The following ARHGAP35 variants were observed in gnomAD, a reference collection of about 807,000 sequenced individuals.
The protein encoded by ARHGAP35 is rho GTPase-activating protein 35.
Under a neutral mutation model 111.1 loss-of-function variants are expected in ARHGAP35, and 15 were observed. The ratio of observed to expected loss-of-function variants is 0.13; its 90% CI spans 0.09 to 0.21. The LOEUF (loss-of-function observed/expected upper bound fraction) is 0.21. ARHGAP35 is among the 10% of genes least tolerant of loss of function. ARHGAP35 has a pLI of 1.00. For synonymous variants in ARHGAP35, 643 were observed against 710.3 expected, an observed-to-expected ratio of 0.91 and a Z score of 1.51; for missense variants, 1,262 against 1,873.0, an observed-to-expected ratio of 0.67 and a Z score of 6.02.
chr19:46,999,537 G>A lies in ARHGAP35; in HGVS notation c.4142+128G>A. 9.2e-6 allele frequency: 6 copies of A among 655,286 alleles called. No homozygotes were observed. Among genetic ancestry groups the A allele is most frequent in the Non-Finnish European group, 1.6e-5 (6 of 384,382 alleles). 40.6% of individuals were successfully genotyped at this position (655,286 alleles called of 1,614,324 possible). A position where few individuals can be genotyped will look rare whatever the true frequency, so the allele number is the denominator to read the frequency against. On this transcript the variant is annotated intron_variant, in intron 6 of 6. Coordinates refer to ENST00000672722, the MANE Select transcript of ARHGAP35 (RefSeq NM_004491.5). This position sits in a 1 kb window ranked among gnomAD's most constrained non-coding sequence, Gnocchi z 5.4. ...AGGCCCTGGCCTGGAAGGGGTGCTG[G>A]CTGGCCTCCCATGGTGCCCGCTGGT...
chr19:46,915,122 GTAAT>G (rs1299804773), intron 1 of ARHGAP35, among the ~76,000 whole-genome samples: 1 of 152,232 alleles, frequency 6.6e-6, no homozygotes, highest in Non-Finnish European at 1.5e-5. Flanking sequence ...ATATTACAGA[GTAAT>G]TGATTGTGTA....
In ARHGAP35 at chr19:47,005,071, A is replaced by C. The variant is rs1253068011; in HGVS notation, c.*4383A>C. On this transcript the variant is annotated 3_prime_UTR_variant, in exon 7 of 7. Transcript: ENST00000672722. The stretch of plus-strand genomic sequence containing the variant: ...TAGTTAATAAATGAATCTTGTAAAA[A>C]ACCAAACCTGAGAGAAGTGAAGGGG... The C allele has an allele frequency of 6.6e-6, 1 of 152,264 alleles. No homozygotes were observed. The highest frequency in any genetic ancestry group is 1.5e-5 in the Non-Finnish European group (1 of 68,074). The allele number at this position is 152,264 out of a possible 1,614,324, so 9.4% of individuals were successfully genotyped here.
chr19:46,959,240 A>AT (rs2056462092), intron 3 of ARHGAP35, among the ~76,000 whole-genome samples: 1 of 151,716 alleles, frequency 6.6e-6, no homozygotes. Context: ...ACTTTTTTGT[A>AT]TTTTTTGTAG....
intron 2 of ARHGAP35, among the ~76,000 whole-genome samples, chr19:46,929,591 C>CTTTTTTTTT (rs55818906): frequency 2.1e-5 from 2 of 93,054 alleles, no homozygotes; most frequent in African/African-American, 8.5e-5. Flanking sequence ...ACCTGTTACT[C>CTTTTTTTTT]TTTTTTTTTT....
chr19:46,932,432 T>C (rs1041323662), intron 2 of ARHGAP35, among the ~76,000 whole-genome samples: 1 of 152,200 alleles, frequency 6.6e-6, no homozygotes, highest in Non-Finnish European at 1.5e-5. Flanking sequence ...TACTTTCTCC[T>C]TTTCAAGGAC....
chr19:46,904,729 G>C (rs1160653835), intron 1 of ARHGAP35, among the ~76,000 whole-genome samples: 1 of 152,190 alleles, frequency 6.6e-6, no homozygotes, highest in Non-Finnish European at 1.5e-5. Context: ...CAGGACAGAG[G>C]TGGCGGGGGA....
At chr19:46,951,012 C>T (rs1041332189) in intron 3 of ARHGAP35, among the ~76,000 whole-genome samples, 6 of 152,188 alleles carry the variant, frequency 3.9e-5, no homozygotes, top group Admixed American at 3.3e-4. Context: ...CTTTACAGGG[C>T]GAATGTGGAG....
At chr19:46,893,146 A>G (rs532911342) in intron 1 of ARHGAP35, among the ~76,000 whole-genome samples, 1 of 152,320 alleles carries the variant, frequency 6.6e-6, no homozygotes, top group East Asian at 1.9e-4. Context: ...TTCAGATACC[A>G]GTGAATTCTG....
At chr19:46,864,369 T>G (rs1039959362) in intron 1 of ARHGAP35, among the ~76,000 whole-genome samples, 1 of 152,248 alleles carries the variant, frequency 6.6e-6, no homozygotes, top group African/African-American at 2.4e-5. Context: ...GGTTTATTTA[T>G]TTTATTTCTT....
intron 3 of ARHGAP35, among the ~76,000 whole-genome samples, chr19:46,958,334 G>A (rs1369879723): frequency 6.7e-6 from 1 of 149,472 alleles, no homozygotes; most frequent in Non-Finnish European, 1.5e-5. Context: ...GCAGTGAGCC[G>A]AGATCGCACC....
rs771820407 is a variant in ARHGAP35, at chr19:47,000,264, C to T, written c.4143-67C>T. 14 of 1,524,146 alleles carry T rather than the reference C, an allele frequency of 9.2e-6. No homozygotes were observed. Among genetic ancestry groups the T allele is most frequent in the Non-Finnish European group, 1.2e-5 (14 of 1,120,624 alleles). 94.4% of individuals were successfully genotyped at this position (1,524,146 alleles called of 1,614,324 possible). ...GTGGGCTCAGCCTGGGTGCTGAAGACCATGAGCGCCCAGGGCCAGGTGGGG... is the reference window on the plus strand; with the variant it reads ...GTGGGCTCAGCCTGGGTGCTGAAGATCATGAGCGCCCAGGGCCAGGTGGGG... On this transcript the variant is annotated intron_variant, in intron 6 of 6. Transcript: ENST00000672722. The surrounding 1 kb of genome is among the most constrained non-coding windows in gnomAD (Gnocchi z 6.9).
chr19:46,939,149 T>C (rs972842604), intron 3 of ARHGAP35, among the ~76,000 whole-genome samples: 1 of 151,994 alleles, frequency 6.6e-6, no homozygotes, highest in South Asian at 2.1e-4. Context: ...CTTTTTTTTT[T>C]CCTGCTGTAG....
At chr19:46,998,575 A>G (rs1476082770) in intron 5 of ARHGAP35, among the ~76,000 whole-genome samples, 5 of 152,156 alleles carry the variant, frequency 3.3e-5, no homozygotes, top group Middle Eastern at 3.2e-3. Context: ...TTCTAAACTC[A>G]GATACTTCAT....
chr19:46,956,861 T>C (rs948068604), intron 3 of ARHGAP35, among the ~76,000 whole-genome samples: 3 of 152,150 alleles, frequency 2.0e-5, no homozygotes, highest in African/African-American at 7.2e-5. Context: ...GCATATATCT[T>C]CCTACGTTTA....
chr19:46,922,256 C>T lies in ARHGAP35; in HGVS notation c.3581C>T (p.Ala1194Val). Residue 1194 changes from alanine to valine, a missense_variant, in exon 2 of 7, where the codon GCA becomes GTA. Physicochemically the swap from Ala to Val is moderately conservative, Grantham distance 64. Coordinates refer to ENST00000672722, the MANE Select transcript of ARHGAP35 (RefSeq NM_004491.5). The surrounding 1 kb of genome is among the most constrained non-coding windows in gnomAD (Gnocchi z 4.0). ...GPIRKKEEDQ[A>V]SQGYKGDNAV... ...ATCCGGAAGAAAGAGGAGGATCAGG[C>T]ATCCCAGGGTTATAAAGGGGACAAT... is the stretch of plus-strand genomic sequence containing the variant. 6.2e-7 allele frequency: 1 copy of T among 1,614,022 alleles called. No individual in the cohort carries two copies. The highest frequency in any genetic ancestry group is 8.5e-7 in the Non-Finnish European group (1 of 1,179,904).
At chr19:46,943,039 A>ATT (rs79252272) in intron 3 of ARHGAP35, among the ~76,000 whole-genome samples, 1 of 141,238 alleles carries the variant, frequency 7.1e-6, no homozygotes, top group Non-Finnish European at 1.5e-5. Flanking sequence ...TAATAATGTG[A>ATT]TTTTTTTTTT....
At chr19:46,902,829 C>T (rs10412561) in intron 1 of ARHGAP35, among the ~76,000 whole-genome samples, 3,022 of 152,198 alleles carry the variant, frequency 0.02, 108 homozygotes, top group African/African-American at 0.068. Context: ...ACATACACAG[C>T]AAGAAAAATG....
chr19:46,992,904 G>A lies in ARHGAP35; in HGVS notation c.4036+3229G>A, dbSNP rs1039047500. Among the ~76,000 whole-genome samples, 1 of 152,168 alleles carries A rather than the reference G, an allele frequency of 6.6e-6. No homozygotes were observed. The highest frequency in any genetic ancestry group is 2.4e-5 in the African/African-American group (1 of 41,440). ...CAGGGGACGGCCCTGCTGCTCTCTG[G>A]GCTCTTGTTCACCAGCTGCCTTGGG... On this transcript the variant is annotated intron_variant, in intron 5 of 6. Transcript: ENST00000672722. The surrounding 1 kb of genome is among the most constrained non-coding windows in gnomAD (Gnocchi z 4.4).
intron 3 of ARHGAP35, among the ~76,000 whole-genome samples, chr19:46,963,138 C>A (rs1268949103): frequency 6.6e-6 from 1 of 152,156 alleles, no homozygotes; most frequent in Non-Finnish European, 1.5e-5. Context: ...TGGTGTGCTA[C>A]CCTGATGGGA....
Sources: gnomAD v4.1 joint callset for allele counts (sites outside exome capture counted in the v4.1 genomes callset) on GRCh38, gnomAD v4.1.1 for gene constraint, Gnocchi (gnomAD v3.1) non-coding constraint, MANE v1.5 for transcripts, NCBI Gene and HGNC (gene_info 2026-07-23, HGNC 2026-07-21) for gene names.